Variants in CPT2 observed in about 807,000 individuals in gnomAD.
CPT2 encodes carnitine O-palmitoyltransferase 2, mitochondrial.
A neutral mutation model predicts 48.6 loss-of-function variants in CPT2; 37 were observed. The ratio of observed to expected loss-of-function variants is 0.76; its 90% CI spans 0.59 to 1.00. CPT2 has a LOEUF of 1.00. Ranked by LOEUF, CPT2 falls within the 50% of genes least tolerant of loss-of-function variation. CPT2 has a pLI of 0.00. For synonymous variants in CPT2, 319 were observed against 326.9 expected (o/e 0.98, Z 0.26); for missense variants, 772 against 825.6 (o/e 0.94, Z 0.80).
intron 3 of CPT2, among the ~76,000 whole-genome samples, chr1:53,206,443 C>T (rs1311657672): frequency 6.6e-6 from 1 of 152,188 alleles, no homozygotes; most frequent in Non-Finnish European, 1.5e-5. Context: ...CACCATGTGC[C>T]TGGAAAAGCC....
At chr1:53,205,364 A>C (rs11206125) in intron 3 of CPT2, among the ~76,000 whole-genome samples, 69,433 of 151,998 alleles carry the variant, frequency 0.46, 17,253 homozygotes, top group East Asian at 0.74. Context: ...CTGACAGAAG[A>C]AACTTCTAAG....
chr1:53,213,721 G>A lies in CPT2; in HGVS notation c.*126G>A, dbSNP rs1361040640. The stretch of plus-strand genomic sequence containing the variant: ...AGGCGGGTGGATCACTTGAGGTCAG[G>A]AGTTTGAGACCAACCTGGCCAACAT... On this transcript the variant is annotated 3_prime_UTR_variant, in exon 5 of 5. Transcript: ENST00000371486. 2 of 866,446 alleles carry A rather than the reference G, an allele frequency of 2.3e-6. No individual in the cohort carries two copies. Among genetic ancestry groups the A allele is most frequent in the Admixed American group, 4.1e-5 (2 of 48,386 alleles). 53.7% of individuals were successfully genotyped at this position (866,446 alleles called of 1,614,324 possible). A position where few individuals can be genotyped will look rare whatever the true frequency, so the allele number is the denominator to read the frequency against.
intron 3 of CPT2, among the ~76,000 whole-genome samples, chr1:53,205,998 T>C (rs953375688): frequency 6.6e-6 from 1 of 151,958 alleles, no homozygotes; most frequent in Admixed American, 6.6e-5. Flanking sequence ...CTGGCTAACA[T>C]GGTGAAACCC....
chr1:53,199,912 C>T (rs901500716), intron 1 of CPT2: 9 of 152,160 alleles, frequency 5.9e-5, no homozygotes, highest in Non-Finnish European at 1.2e-4. Context: ...TTTTGCATAT[C>T]AGTGTTAATT....
intron 4 of CPT2, 82 bp from the exon 5 acceptor site, chr1:53,213,182 T>C: frequency 7.2e-7 from 1 of 1,394,828 alleles, no homozygotes; most frequent in Non-Finnish European, 1.0e-6. Flanking sequence ...TGAGGGGTAT[T>C]CCTACCATGT....
Position 53,213,275 on chromosome 1 carries a change from G to A in CPT2, c.1657G>A (p.Asp553Asn), listed in dbSNP as rs28936376. 2 of 1,614,114 alleles carry A rather than the reference G, an allele frequency of 1.2e-6. No homozygotes were observed. Among genetic ancestry groups the A allele is most frequent in the Non-Finnish European group, 1.7e-6 (2 of 1,180,046 alleles). ...TKEAAMGQGF[D>N]RHLFALRHLA... ...TTTGTTTCTCACAGGCCAGGGCTTT[G>A]ACCGACACTTGTTTGCTCTGCGGCA... is the stretch of plus-strand genomic sequence containing the variant. The change falls in exon 5 of 5, where the codon GAC becomes AAC. Residue 553 changes from aspartate to asparagine, a missense_variant. Asp to Asn is a conservative substitution (Grantham distance 23). Coordinates refer to ENST00000371486, the MANE Select transcript of CPT2 (RefSeq NM_000098.3).
chr1:53,198,119 A>G (rs1291925280), intron 1 of CPT2, among the ~76,000 whole-genome samples: 2 of 152,158 alleles, frequency 1.3e-5, no homozygotes, highest in Admixed American at 1.3e-4. Flanking sequence ...TTCACCCTCT[A>G]AACCAAACCT....
chr1:53,197,823 G>C (rs1010955361), intron 1 of CPT2, among the ~76,000 whole-genome samples: 1 of 151,984 alleles, frequency 6.6e-6, no homozygotes, highest in Non-Finnish European at 1.5e-5. Flanking sequence ...TGTAAGTGCA[G>C]CTCACCCTCA....
In CPT2 at chr1:53,214,140, A is replaced by AAACT; in HGVS notation, c.*550_*553dup. The AAACT allele has an allele frequency of 6.1e-6, 1 of 164,358 alleles. No homozygotes were observed. Among genetic ancestry groups the AAACT allele is most frequent in the East Asian group, 1.7e-4 (1 of 5,808 alleles). The allele number at this position is 164,358 out of a possible 1,614,324, so 10.2% of individuals were successfully genotyped here. A position where few individuals can be genotyped will look rare whatever the true frequency, so the allele number is the denominator to read the frequency against. On this transcript the variant is annotated 3_prime_UTR_variant, in exon 5 of 5. Coordinates refer to ENST00000371486, the MANE Select transcript of CPT2 (RefSeq NM_000098.3). Reference sequence around the variant, plus strand: ...ATTTAATCAGGAGGAAAGGTTTGGAAAACTAACTCAGGTGTATTTATTGTT... The same window carrying AAACT: ...ATTTAATCAGGAGGAAAGGTTTGGAAAACTAACTAACTCAGGTGTATTTATTGTT...
At chr1:53,197,639 C>T (rs561990990) in intron 1 of CPT2, 18 of 215,494 alleles carry the variant, frequency 8.4e-5, no homozygotes, top group Non-Finnish European at 1.4e-4. Context: ...CCCCCATGAG[C>T]CCCCACAAGC....
At position 53,210,155 on chromosome 1, in the gene CPT2, C is replaced by T. The variant is rs756839691; in HGVS notation, c.481C>T (p.Arg161Trp). 8.7e-6 allele frequency: 14 copies of T among 1,613,952 alleles called. No individual in the cohort carries two copies. Among genetic ancestry groups the T allele is most frequent in the East Asian group, 2.2e-5 (1 of 44,888 alleles). ...RATNMTVSAI[R>W]FLKTLRAGLL... ...AACCAACATGACTGTTTCTGCCATC[C>T]GGTTTCTGAAGACACTCCGGGCTGG... Residue 161 changes from arginine to tryptophan, a missense_variant, in exon 4 of 5, where the codon CGG (arginine) becomes TGG (tryptophan). Arg to Trp is a moderately radical substitution (Grantham distance 101, BLOSUM62 -3). Coordinates refer to ENST00000371486, the MANE Select transcript of CPT2 (RefSeq NM_000098.3).
At chr1:53,208,573 G>C (rs1196761146) in intron 3 of CPT2, 1 of 152,196 alleles carries the variant, frequency 6.6e-6, no homozygotes, top group Non-Finnish European at 1.5e-5. Flanking sequence ...TCTAAACAGG[G>C]AGTGTACAAA....
Position 53,211,037 on chromosome 1 carries a change from T to TTCCTGAAGAAGCAAAAGCTGA in CPT2, c.1364_1384dup (p.Leu461_Ser462insIleLeuLysLysGlnLysLeu). The TTCCTGAAGAAGCAAAAGCTGA allele has an allele frequency of 6.2e-7, 1 of 1,614,196 alleles. No individual in the cohort carries two copies. The highest frequency in any genetic ancestry group is 8.5e-7 in the Non-Finnish European group (1 of 1,180,036). On this transcript the variant is annotated inframe_insertion, in exon 4 of 5. Coordinates refer to ENST00000371486, the MANE Select transcript of CPT2 (RefSeq NM_000098.3). ...CCAGTTTCAGAGAGGAGGCAAAGAA[T>TTCCTGAAGAAGCAAAAGCTGA]TCCTGAAGAAGCAAAAGCTGAGCCC...
intron 3 of CPT2, 79 bp from the exon 4 acceptor site, chr1:53,209,936 G>C: frequency 7.9e-7 from 1 of 1,269,096 alleles, no homozygotes; most frequent in Non-Finnish European, 1.1e-6. Context: ...GTCTATGCTT[G>C]AATTTTTTTT....
At position 53,210,948 on chromosome 1, in the gene CPT2, C is replaced by G. The variant is rs757953266; in HGVS notation, c.1274C>G (p.Thr425Ser). The change falls in exon 4 of 5, where the codon ACT becomes AGT. Residue 425 changes from threonine to serine, a missense_variant. Thr to Ser is a moderately conservative substitution (Grantham distance 58). Transcript: ENST00000371486. ...TTCGAGCTGACTGATGCCTTAAAGACTGGCATCACAGCTGCTAAGGAAAAG... is the reference window on the plus strand; with the variant it reads ...TTCGAGCTGACTGATGCCTTAAAGAGTGGCATCACAGCTGCTAAGGAAAAG... The part of the protein sequence containing the change: ...LNFELTDALK[T>S]GITAAKEKFD... 4 of 1,614,216 alleles carry G rather than the reference C, an allele frequency of 2.5e-6. No individual in the cohort carries two copies.
chr1:53,211,461 A>G, intron 4 of CPT2, 142 bp downstream of exon 4: 7 of 821,490 alleles, frequency 8.5e-6, no homozygotes, highest in Middle Eastern at 3.5e-4. Context: ...TTTCTTTTCT[A>G]CCCTAGCAGT....
Position 53,202,320 on chromosome 1 carries a change from T to C in CPT2, c.234-3T>C. The C allele has an allele frequency of 6.2e-7, 1 of 1,610,726 alleles. No homozygotes were observed. The highest frequency in any genetic ancestry group is 8.5e-7 in the Non-Finnish European group (1 of 1,176,884). On this transcript the variant is annotated splice_region_variant and splice_polypyrimidine_tract_variant and intron_variant, in intron 2 of 4. Coordinates refer to ENST00000371486, the MANE Select transcript of CPT2 (RefSeq NM_000098.3). ...TGATTTTGTCTTTTCTTGAATGTTT[T>C]AGGAAAACAGAACAATTTTGCAAGA...
At chr1:53,201,057 G>A (rs1645352254) in intron 2 of CPT2, 4 of 508,474 alleles carry the variant, frequency 7.9e-6, no homozygotes, top group East Asian at 7.6e-5. Context: ...CCCTTAGCAG[G>A]TGTACCTGGG....
chr1:53,209,024 G>GCTAT (rs1645404080), intron 3 of CPT2: 1 of 152,138 alleles, frequency 6.6e-6, no homozygotes, highest in Admixed American at 6.5e-5. Context: ...TCCACTCCTA[G>GCTAT]CTATGTCCAT....
Sources: gnomAD v4.1 joint callset for allele counts (sites outside exome capture counted in the v4.1 genomes callset) on GRCh38, gnomAD v4.1.1 for gene constraint, MANE v1.5 for transcripts, NCBI Gene and HGNC (gene_info 2026-07-23, HGNC 2026-07-21) for gene names.